The following GNG7 variants were observed in gnomAD, a reference collection of about 807,000 sequenced individuals.
GNG7 encodes guanine nucleotide-binding protein G(I)/G(S)/G(O) subunit gamma-7.
In GNG7, 1 loss-of-function variant was observed where a neutral mutation model predicts 4.0. The observed-to-expected ratio is 0.25, with a 90% CI of 0.09 to 1.18. The LOEUF is 1.18. Among genes scored for constraint, GNG7 ranks in the 50% most tolerant of loss-of-function variants. GNG7 has a pLI of 0.50. For synonymous variants in GNG7, 34 were observed against 36.9 expected, an observed-to-expected ratio of 0.92 and a Z score of 0.29; for missense variants, 86 against 91.9, an observed-to-expected ratio of 0.94 and a Z score of 0.26.
intron 3 of GNG7, among the ~76,000 whole-genome samples, chr19:2,526,840 T>C (rs8109262): frequency 0.43 from 64,204 of 150,682 alleles, 14,112 homozygotes; most frequent in African/African-American, 0.55. Flanking sequence ...TATTGAATAT[T>C]GTTTATCTTA....
intron 1 of GNG7, among the ~76,000 whole-genome samples, chr19:2,657,399 T>TATATATACATAC (rs1332253018): frequency 1.1e-4 from 9 of 80,730 alleles, no homozygotes; most frequent in African/African-American, 5.0e-4. Context: ...TATATATATA[T>TATATATACATAC]ACACATAATA....
intron 1 of GNG7, among the ~76,000 whole-genome samples, chr19:2,672,050 C>CA (rs528016536): frequency 0.34 from 30,007 of 87,174 alleles, 6,263 homozygotes; most frequent in East Asian, 0.53. Context: ...GACTCCGTCT[C>CA]AAAAAAAAAA....
chr19:2,524,442 T>C lies in GNG7; in HGVS notation c.-37-3717A>G, dbSNP rs200284056. ...GTGCACATGTGTATGTGTGTGCACA[T>C]GTGCATGTATGTGTACCTTGCGTGT... On this transcript the variant is annotated intron_variant, in intron 3 of 4. Transcript: ENST00000382159. 2.0e-5 allele frequency among the ~76,000 whole-genome samples: 3 copies of C among 152,340 alleles called. No individual in the cohort carries two copies. In the East Asian group the frequency reaches 5.8e-4, roughly 29 times the overall value.
chr19:2,625,854 C>A (rs1028638874), intron 2 of GNG7, among the ~76,000 whole-genome samples: 1 of 152,084 alleles, frequency 6.6e-6, no homozygotes, highest in African/African-American at 2.4e-5. Context: ...GGACTGCTCA[C>A]TGATGCTCAC....
intron 2 of GNG7, among the ~76,000 whole-genome samples, chr19:2,627,845 T>C (rs1568267205): frequency 6.6e-6 from 1 of 152,216 alleles, no homozygotes; most frequent in East Asian, 1.9e-4. Flanking sequence ...CAGACTCACC[T>C]GTGTGCAGGA....
chr19:2,557,646 G>A lies in GNG7; in HGVS notation c.-77-2458C>T, dbSNP rs2144765807. Among the ~76,000 whole-genome samples, 1 of 152,214 alleles carries A rather than the reference G, an allele frequency of 6.6e-6. No individual in the cohort carries two copies. ...TCTGAGTCAAAGTGCGATGTGCCCA[G>A]GCCAGCCCGGTGTGACCTCAGCTCC... On this transcript the variant is annotated intron_variant, in intron 2 of 4. Transcript: ENST00000382159. This position sits in a 1 kb window ranked among gnomAD's most constrained non-coding sequence, Gnocchi z 5.1.
At chr19:2,553,657 A>G (rs568983811) in intron 3 of GNG7, among the ~76,000 whole-genome samples, 1 of 110,396 alleles carries the variant, frequency 9.1e-6, no homozygotes, top group East Asian at 2.8e-4. Flanking sequence ...TATTACATAC[A>G]TGCACACGTT....
chr19:2,512,175 C>G lies in GNG7; in HGVS notation c.*2847G>C. 5.1e-6 allele frequency: 5 copies of G among 985,878 alleles called. No homozygotes were observed. Among genetic ancestry groups the G allele is most frequent in the Non-Finnish European group, 6.0e-6 (5 of 829,974 alleles). 61.1% of individuals were successfully genotyped at this position (985,878 alleles called of 1,614,324 possible). A position where few individuals can be genotyped will look rare whatever the true frequency, so the allele number is the denominator to read the frequency against. On this transcript the variant is annotated 3_prime_UTR_variant, in exon 5 of 5. Coordinates refer to ENST00000382159, the MANE Select transcript of GNG7 (RefSeq NM_052847.3). The surrounding 1 kb of genome is among the most constrained non-coding windows in gnomAD (Gnocchi z 4.7). ...CCCCCAAGGCTAGAGCTGCTGCTGC[C>G]ACCCCCGCCCGCCAGCTCCCCGTCT...
intron 2 of GNG7, among the ~76,000 whole-genome samples, chr19:2,644,330 T>C (rs1331765827): frequency 3.4e-4 from 1 of 2,958 alleles, no homozygotes; most frequent in African/African-American, 1.3e-3. Context: ...CTACACTTTA[T>C]ATATATATAT....
In GNG7 at chr19:2,573,746, G is replaced by A. The variant is rs1158579541; in HGVS notation, c.-77-18558C>T. Among the ~76,000 whole-genome samples the A allele has an allele frequency of 2.6e-5, 4 of 152,290 alleles. No individual in the cohort carries two copies. In the East Asian group the frequency reaches 7.7e-4, roughly 29 times the overall value. ...TAATCCCAGCTACTCGGGAGGCTGA[G>A]GCAGGAGAATCGCTTGAACCTGGGA... On this transcript the variant is annotated intron_variant, in intron 2 of 4. Coordinates refer to ENST00000382159, the MANE Select transcript of GNG7 (RefSeq NM_052847.3).
At chr19:2,673,023 G>A (rs575488510) in intron 1 of GNG7, among the ~76,000 whole-genome samples, 5 of 151,954 alleles carry the variant, frequency 3.3e-5, no homozygotes, top group South Asian at 4.2e-4. Flanking sequence ...TTGGGAGGCC[G>A]AGGCGGGCAG....
intron 1 of GNG7, among the ~76,000 whole-genome samples, chr19:2,685,006 C>T (rs1983836368): frequency 6.6e-6 from 1 of 152,076 alleles, no homozygotes. Context: ...CGCCTGTAAT[C>T]CCAGCTACTC....
At chr19:2,538,402 C>G (rs921951781) in intron 3 of GNG7, 2 of 389,948 alleles carry the variant, frequency 5.1e-6, no homozygotes, top group Non-Finnish European at 1.0e-5. Context: ...GCTGGAGGAT[C>G]ATTTGAGGCC....
intron 2 of GNG7, among the ~76,000 whole-genome samples, chr19:2,577,973 G>T (rs925360468): frequency 4.0e-5 from 6 of 151,756 alleles, no homozygotes; most frequent in African/African-American, 1.5e-4. Flanking sequence ...GAGTAGCTGG[G>T]ACCACAGGTG....
chr19:2,661,302 G>GGAAAGAA (rs1473005292), intron 1 of GNG7, among the ~76,000 whole-genome samples: 3 of 73,122 alleles, frequency 4.1e-5, no homozygotes, highest in African/African-American at 1.6e-4. Flanking sequence ...AAGAAAGAAA[G>GGAAAGAA]AGAAAGAAAG....
chr19:2,612,509 C>T (rs957975526), intron 2 of GNG7, among the ~76,000 whole-genome samples: 13 of 151,840 alleles, frequency 8.6e-5, no homozygotes, highest in Admixed American at 3.9e-4. Flanking sequence ...AAGCCAGGAC[C>T]CCCCCCAGGC....
At chr19:2,652,512 A>C (rs1599443270) in intron 1 of GNG7, among the ~76,000 whole-genome samples, 1 of 151,512 alleles carries the variant, frequency 6.6e-6, no homozygotes, top group Non-Finnish European at 1.5e-5. Context: ...CCAGCTACTC[A>C]GGAGGCTGAG....
At chr19:2,518,952 C>T (rs780017094) in intron 4 of GNG7, among the ~76,000 whole-genome samples, 10 of 151,718 alleles carry the variant, frequency 6.6e-5, no homozygotes, top group Admixed American at 2.0e-4. Flanking sequence ...CCTGCCACCA[C>T]GCCTGGCTAA....
chr19:2,701,162 C>G (rs117737738), intron 1 of GNG7: 1 of 152,258 alleles, frequency 6.6e-6, no homozygotes, highest in East Asian at 1.9e-4. Context: ...TCCGAACTCC[C>G]GTCTCCTTCA....
Sources: gnomAD v4.1 joint callset for allele counts (sites outside exome capture counted in the v4.1 genomes callset) on GRCh38, gnomAD v4.1.1 for gene constraint, Gnocchi (gnomAD v3.1) non-coding constraint, MANE v1.5 for transcripts, NCBI Gene and HGNC (gene_info 2026-07-23, HGNC 2026-07-21) for gene names.